Variants in MAPK4 observed in about 807,000 individuals in gnomAD.
The protein encoded by MAPK4 is Erk3-related.
Under a neutral mutation model 47.7 loss-of-function variants are expected in MAPK4, and 22 were observed. The ratio of observed to expected loss-of-function variants is 0.46; its 90% CI spans 0.33 to 0.66. The LOEUF (loss-of-function observed/expected upper bound fraction) is 0.66, where lower values mean the gene tolerates loss of function less well. Ranked by LOEUF, MAPK4 falls within the 30% of genes least tolerant of loss-of-function variation. The pLI is 0.02. For missense variants in MAPK4, 736 were observed against 831.7 expected (o/e 0.88, Z 1.42); for synonymous variants, 390 against 365.7 (o/e 1.07, Z -0.76).
chr18:50,611,789 A>C (rs1367284646), intron 1 of MAPK4, among the ~76,000 whole-genome samples: 2 of 152,230 alleles, frequency 1.3e-5, no homozygotes, highest in Non-Finnish European at 2.9e-5. Flanking sequence ...ACTGGATTGA[A>C]CAACTGAGAA....
At chr18:50,599,479 T>C (rs1342656354) in intron 1 of MAPK4, among the ~76,000 whole-genome samples, 1 of 152,136 alleles carries the variant, frequency 6.6e-6, no homozygotes, top group Non-Finnish European at 1.5e-5. Flanking sequence ...AGTACAGGGG[T>C]ACAATCTCGG....
rs1907901742 is a variant in MAPK4 at position 50,670,805 on chromosome 18, G to GCC, written c.546+6304_546+6305dup. On this transcript the variant is annotated intron_variant, in intron 2 of 5. Transcript: ENST00000400384. ...CTAGTGTAGTGGTTCTCAAAGTGAGGCCCCACACCAGCAGCCTCAGCTTCA... is the reference window on the plus strand; with the variant it reads ...CTAGTGTAGTGGTTCTCAAAGTGAGGCCCCCCACACCAGCAGCCTCAGCTTCA... Among the ~76,000 whole-genome samples, 3 of 151,644 alleles carry GCC rather than the reference G, an allele frequency of 2.0e-5. No individual in the cohort carries two copies. In the South Asian group the frequency reaches 6.3e-4, roughly 32 times the overall value.
chr18:50,702,000 A>G (rs1420693642), intron 2 of MAPK4, among the ~76,000 whole-genome samples: 2 of 151,958 alleles, frequency 1.3e-5, no homozygotes, highest in Non-Finnish European at 2.9e-5. Flanking sequence ...GTCTCTACTA[A>G]AAACAGAAAA....
At position 50,725,985 on chromosome 18, in the gene MAPK4, C is replaced by A. The variant is rs374522930; in HGVS notation, c.877C>A (p.Leu293Met). Residue 293 changes from leucine to methionine, a missense_variant, in exon 5 of 6, where the codon CTG (leucine) becomes ATG (methionine). By Grantham distance (15) the Leu-to-Met change is conservative. Transcript: ENST00000400384. ...AGCCATCGACTTTCTGGAGAAGATC[C>A]TGACCTTTAACCCCATGGATCGCCT... ...SEAIDFLEKI[L>M]TFNPMDRLTA... The A allele has an allele frequency of 1.9e-6, 3 of 1,614,064 alleles. No homozygotes were observed. In the African/African-American group the frequency reaches 4.0e-5, roughly 22 times the overall value.
At chr18:50,694,540 C>G (rs11660520) in intron 2 of MAPK4, among the ~76,000 whole-genome samples, 30,301 of 152,218 alleles carry the variant, frequency 0.2, 3,409 homozygotes, top group African/African-American at 0.3. Context: ...TGTATCTCCC[C>G]AGCTGTGAGT....
chr18:50,580,193 G>T (rs1428355087), intron 1 of MAPK4, among the ~76,000 whole-genome samples: 2 of 152,166 alleles, frequency 1.3e-5, no homozygotes, highest in African/African-American at 4.8e-5. Flanking sequence ...GGAGGAGGAG[G>T]CAGGGGTCAC....
chr18:50,729,681 G>T lies in MAPK4; in HGVS notation c.1591G>T (p.Gly531Cys), dbSNP rs1305269217. Residue 531 changes from glycine (G) to cysteine (C), a missense_variant, in exon 6 of 6, where the codon GGC (glycine) becomes TGC (cysteine). Gly to Cys is a radical substitution (Grantham distance 159). Around this residue, in one of 3 missense-constraint regions of MAPK4, gnomAD observed 377 missense variants for 378.6 expected, o/e 1.00. Coordinates refer to ENST00000400384, the MANE Select transcript of MAPK4 (RefSeq NM_002747.4). ...CCCCGGCCGCCCGGCCCCGGTGGAC[G>T]GCGGCGCCAGCCCCCAGTTCGACCT... Reference protein sequence around the residue: ...SPPGRPAPVDGGASPQFDLDV... With the variant: ...SPPGRPAPVDCGASPQFDLDV... The T allele has an allele frequency of 1.3e-6, 2 of 1,530,596 alleles. No homozygotes were observed. Among genetic ancestry groups the T allele is most frequent in the Non-Finnish European group, 1.8e-6 (2 of 1,133,176 alleles). The allele number at this position is 1,530,596 out of a possible 1,614,324, so 94.8% of individuals were successfully genotyped here.
chr18:50,561,623 A>G (rs1598770697), intron 1 of MAPK4, among the ~76,000 whole-genome samples: 1 of 152,340 alleles, frequency 6.6e-6, no homozygotes, highest in East Asian at 1.9e-4. Flanking sequence ...GTACGGATAG[A>G]AACAAGGGAG....
At chr18:50,692,819 A>G (rs1201482368) in intron 2 of MAPK4, among the ~76,000 whole-genome samples, 4 of 152,132 alleles carry the variant, frequency 2.6e-5, no homozygotes, top group African/African-American at 9.7e-5. Flanking sequence ...ATCCCCAGGC[A>G]GGAGAACACC....
intron 1 of MAPK4, among the ~76,000 whole-genome samples, chr18:50,600,315 C>T (rs1192159387): frequency 6.6e-6 from 1 of 152,208 alleles, no homozygotes; most frequent in Non-Finnish European, 1.5e-5. Context: ...TCCCCTCTCC[C>T]TAACCAGGCA....
rs534241700 is a variant in MAPK4, at chr18:50,560,090, G to C, written c.-1024G>C. On this transcript the variant is annotated 5_prime_UTR_variant, in exon 1 of 6. Coordinates refer to ENST00000400384, the MANE Select transcript of MAPK4 (RefSeq NM_002747.4). The stretch of plus-strand genomic sequence containing the variant: ...GGCCGGGGCCGGGGCGGGAGCCGGA[G>C]CCCGAGCTGGAGCAGCGAGCCGGGC... 2.7e-5 allele frequency: 4 copies of C among 148,156 alleles called. No homozygotes were observed. Among genetic ancestry groups the C allele is most frequent in the South Asian group, 1.8e-4 (1 of 5,484 alleles). 9.2% of individuals were successfully genotyped at this position (148,156 alleles called of 1,614,324 possible). A position where few individuals can be genotyped will look rare whatever the true frequency, so the allele number is the denominator to read the frequency against.
Position 50,729,486 on chromosome 18 carries a change from G to A in MAPK4, c.1396G>A (p.Ala466Thr), listed in dbSNP as rs1395319571. Residue 466 changes from alanine (A) to threonine (T), a missense_variant, in exon 6 of 6, where the codon GCG becomes ACG. Ala to Thr is a moderately conservative substitution (Grantham distance 58, BLOSUM62 0). Transcript: ENST00000400384. ...LILDLSHWKQAAGAPPTATGL... is the reference protein window; with the variant it reads ...LILDLSHWKQTAGAPPTATGL... Reference sequence around the variant, plus strand: ...CCTGGACCTGTCGCACTGGAAGCAGGCGGCCGGCGCGCCCCCCACGGCCAC... The same window carrying A: ...CCTGGACCTGTCGCACTGGAAGCAGACGGCCGGCGCGCCCCCCACGGCCAC... 1.4e-6 allele frequency: 2 copies of A among 1,466,318 alleles called. No individual in the cohort carries two copies. The highest frequency in any genetic ancestry group is 2.5e-5 in the East Asian group (1 of 39,822). The allele number at this position is 1,466,318 out of a possible 1,614,324, so 90.8% of individuals were successfully genotyped here.
At position 50,665,697 on chromosome 18, in the gene MAPK4, T is replaced by C. The variant is rs1196793631; in HGVS notation, c.546+1193T>C. On this transcript the variant is annotated intron_variant, in intron 2 of 5. Transcript: ENST00000400384. ...CTGTCCTACCCTCCCTGGCTGGAAC[T>C]TGGGCTCCAGCCCAGGTTTCAGACC... Among the ~76,000 whole-genome samples the C allele has an allele frequency of 2.0e-5, 3 of 152,194 alleles. 1 individual carries two copies. Among genetic ancestry groups the C allele is most frequent in the Admixed American group, 1.3e-4 (2 of 15,284 alleles).
chr18:50,608,150 A>G (rs1234889504), intron 1 of MAPK4, among the ~76,000 whole-genome samples: 2 of 152,196 alleles, frequency 1.3e-5, no homozygotes, highest in African/African-American at 2.4e-5. Context: ...ACTTGAAAAT[A>G]TAACTGTTTT....
intron 1 of MAPK4, among the ~76,000 whole-genome samples, chr18:50,612,165 A>T (rs1437845799): frequency 6.6e-6 from 1 of 152,204 alleles, no homozygotes; most frequent in Admixed American, 6.5e-5. Context: ...TTAGAAGAGA[A>T]TACTCATTTA....
At chr18:50,590,731 A>G (rs1489308788) in intron 1 of MAPK4, among the ~76,000 whole-genome samples, 1 of 152,206 alleles carries the variant, frequency 6.6e-6, no homozygotes, top group Admixed American at 6.5e-5. Context: ...AGCTGTGCAG[A>G]GACAGAGGGA....
intron 1 of MAPK4, among the ~76,000 whole-genome samples, chr18:50,568,144 C>T (rs1433228202): frequency 1.3e-5 from 2 of 149,100 alleles, no homozygotes; most frequent in Admixed American, 6.7e-5. Flanking sequence ...TGCAGTGAGC[C>T]GAGATCGGGC....
upstream of MAPK4, among the ~76,000 whole-genome samples, chr18:50,559,744 C>A (rs2042134471): frequency 6.6e-6 from 1 of 151,858 alleles, no homozygotes; most frequent in Non-Finnish European, 1.5e-5. Flanking sequence ...GAGGATCCCC[C>A]ACCCACGGCG....
rs1204067989 is a variant in MAPK4 at position 50,657,259 on chromosome 18, C to T, written c.-870-5830C>T. Among the ~76,000 whole-genome samples, 4 of 152,204 alleles carry T rather than the reference C, an allele frequency of 2.6e-5. No individual in the cohort carries two copies. The East Asian group carries it at 7.7e-4, about 29-fold the overall frequency. ...CTGCCAAGAGGGAATTGTATTACCA[C>T]AGTTGGTTTAGATTCATGGTCCTCA... On this transcript the variant is annotated intron_variant, in intron 1 of 5. Coordinates refer to ENST00000400384, the MANE Select transcript of MAPK4 (RefSeq NM_002747.4).
Sources: allele counts gnomAD v4.1 joint callset (sites outside exome capture counted in the v4.1 genomes callset), GRCh38; gene constraint gnomAD v4.1.1; regional missense constraint gnomAD v4.1.1; transcripts MANE v1.5; gene names NCBI Gene and HGNC (gene_info 2026-07-23, HGNC 2026-07-21).